Variants in LMTK2 observed in about 807,000 individuals in gnomAD.
LMTK2 encodes serine/threonine-protein kinase LMTK2.
LMTK2 carries 37 observed loss-of-function variants against 127.5 expected under a neutral mutation model. The observed-to-expected ratio is 0.29, with a 90% CI of 0.22 to 0.38. The LOEUF (loss-of-function observed/expected upper bound fraction) is 0.38, where lower values mean the gene tolerates loss of function less well. LMTK2 is among the 10% of genes least tolerant of loss of function. The pLI is 1.00. For synonymous variants in LMTK2, 819 were observed against 810.1 expected, an observed-to-expected ratio of 1.01 and a Z score of -0.19; for missense variants, 1,694 against 1,920.3, an observed-to-expected ratio of 0.88 and a Z score of 2.20.
At chr7:98,158,558 C>A (rs1246281894) in intron 5 of LMTK2, among the ~76,000 whole-genome samples, 2 of 150,822 alleles carry the variant, frequency 1.3e-5, no homozygotes, top group Non-Finnish European at 2.9e-5. Context: ...ATGGATTCAA[C>A]CAATGGTGGA....
chr7:98,203,958 T>G lies in LMTK2; in HGVS notation c.4255T>G (p.Trp1419Gly). The change falls in exon 13 of 14, where the codon TGG becomes GGG. Residue 1419 changes from tryptophan to glycine, a missense_variant. Trp to Gly is a radical substitution (Grantham distance 184, BLOSUM62 -2). Transcript: ENST00000297293. The stretch of plus-strand genomic sequence containing the variant: ...TTTATTTCTAGGTGGTGGCTTTGAG[T>G]GGGATGATGACTTCTCCCCAGATCC... ...STDEEGGGFE[W>G]DDDFSPDPFM... The G allele has an allele frequency of 6.2e-7, 1 of 1,613,722 alleles. No homozygotes were observed. The highest frequency in any genetic ancestry group is 8.5e-7 in the Non-Finnish European group (1 of 1,179,938).
At chr7:98,107,627 G>A (rs1284282140) in intron 1 of LMTK2, among the ~76,000 whole-genome samples, 1 of 152,134 alleles carries the variant, frequency 6.6e-6, no homozygotes, top group Non-Finnish European at 1.5e-5. Flanking sequence ...CCTGCCTCTT[G>A]TGCTTTTTTT....
chr7:98,209,069 G>A lies in LMTK2; in HGVS notation c.*3577G>A, dbSNP rs1048422478. ...GTGAACCAAGGGTTAGACGCCAGAGGTTGGGCTTCTGTTAGAGTGGCTTCA... is the reference window on the plus strand; with the variant it reads ...GTGAACCAAGGGTTAGACGCCAGAGATTGGGCTTCTGTTAGAGTGGCTTCA... On this transcript the variant is annotated 3_prime_UTR_variant, in exon 14 of 14. Coordinates refer to ENST00000297293, the MANE Select transcript of LMTK2 (RefSeq NM_014916.4). 2.3e-4 allele frequency: 35 copies of A among 152,230 alleles called. No homozygotes were observed. Among genetic ancestry groups the A allele is most frequent in the African/African-American group, 8.2e-4 (34 of 41,458 alleles). The allele number at this position is 152,230 out of a possible 1,614,324, so 9.4% of individuals were successfully genotyped here.
At chr7:98,128,329 T>C (rs1276979893) in intron 1 of LMTK2, among the ~76,000 whole-genome samples, 1 of 151,882 alleles carries the variant, frequency 6.6e-6, no homozygotes, top group Non-Finnish European at 1.5e-5. Flanking sequence ...CCTTGTAAAA[T>C]GGGGAACTTT....
At chr7:98,179,300 G>A (rs1056855214) in intron 7 of LMTK2, among the ~76,000 whole-genome samples, 2 of 152,226 alleles carry the variant, frequency 1.3e-5, no homozygotes, top group Non-Finnish European at 2.9e-5. Flanking sequence ...CATCGCCCAA[G>A]CTAGCCTCAG....
Position 98,193,808 on chromosome 7 carries a change from A to C in LMTK2, c.3343A>C (p.Lys1115Gln), listed in dbSNP as rs1269036331. ...YFSDNDSEPE[K>Q]RSEEVPGTSP... Reference sequence around the variant, plus strand: ...CTCAGACAATGACTCTGAGCCCGAGAAAAGGTCTGAGGAGGTCCCGGGAAC... The same window carrying C: ...CTCAGACAATGACTCTGAGCCCGAGCAAAGGTCTGAGGAGGTCCCGGGAAC... Residue 1115 changes from lysine (K) to glutamine (Q), a missense_variant, in exon 11 of 14, where the codon AAA becomes CAA. Transcript: ENST00000297293. The surrounding 1 kb of genome is among the most constrained non-coding windows in gnomAD (Gnocchi z 4.1). The C allele has an allele frequency of 1.6e-5, 26 of 1,613,774 alleles. No individual in the cohort carries two copies. The highest frequency in any genetic ancestry group is 2.0e-5 in the Non-Finnish European group (24 of 1,179,974).
intron 11 of LMTK2, among the ~76,000 whole-genome samples, chr7:98,197,341 C>G (rs891117517): frequency 1.3e-5 from 2 of 152,202 alleles, no homozygotes. Context: ...AGGGCTTGAC[C>G]CAAGTCTCCT....
At chr7:98,164,073 T>G (rs1320244255) in intron 6 of LMTK2, among the ~76,000 whole-genome samples, 1 of 152,246 alleles carries the variant, frequency 6.6e-6, no homozygotes, top group Non-Finnish European at 1.5e-5. Context: ...AACCAGCCTG[T>G]TTTTAAAAGG....
intron 2 of LMTK2, among the ~76,000 whole-genome samples, chr7:98,140,095 T>G (rs1299977934): frequency 7.9e-4 from 2 of 2,542 alleles, no homozygotes; most frequent in Non-Finnish European, 1.5e-3. Flanking sequence ...TCTTTCTTTC[T>G]TTCTTTCTTT....
rs369256098 is a variant in LMTK2 at position 98,140,198 on chromosome 7, T to A, written c.232-1199T>A. Among the ~76,000 whole-genome samples, 2 of 41,550 alleles carry A rather than the reference T, an allele frequency of 4.8e-5. 1 individual carries two copies. The highest frequency in any genetic ancestry group is 3.8e-4 in the African/African-American group (2 of 5,202). The allele number at this position is 41,550 out of a possible 152,430, so 27.3% of individuals were successfully genotyped here. Reference sequence around the variant, plus strand: ...TTTCTTTTCTTTCTTCTTTCTGTCTTTGAGATGGTCTCGCTCTATCACCCA... The same window carrying A: ...TTTCTTTTCTTTCTTCTTTCTGTCTATGAGATGGTCTCGCTCTATCACCCA... On this transcript the variant is annotated intron_variant, in intron 2 of 13. Coordinates refer to ENST00000297293, the MANE Select transcript of LMTK2 (RefSeq NM_014916.4).
At chr7:98,132,412 G>A (rs1276581033) in intron 1 of LMTK2, among the ~76,000 whole-genome samples, 1 of 152,040 alleles carries the variant, frequency 6.6e-6, no homozygotes, top group Non-Finnish European at 1.5e-5. Flanking sequence ...CACCACGCCT[G>A]GCTAATTTTT....
intron 11 of LMTK2, among the ~76,000 whole-genome samples, chr7:98,198,665 A>AT (rs1797666679): frequency 6.6e-6 from 1 of 151,852 alleles, no homozygotes; most frequent in African/African-American, 2.4e-5. Flanking sequence ...TAATTTTTGT[A>AT]TTTTTTGTTT....
At position 98,135,684 on chromosome 7, in the gene LMTK2, G is replaced by A. The variant is rs116539916; in HGVS notation, c.104-1631G>A. Among the ~76,000 whole-genome samples the A allele has an allele frequency of 6.1e-3, 921 of 152,182 alleles. 4 individuals carry two copies. The highest frequency in any genetic ancestry group is 0.021 in the African/African-American group (874 of 41,506). ...AACTCCAGTAGCTGAGACTTTAATAGTTTGCTCTAACAAAGAAAAGGTTCA... is the reference window on the plus strand; with the variant it reads ...AACTCCAGTAGCTGAGACTTTAATAATTTGCTCTAACAAAGAAAAGGTTCA... On this transcript the variant is annotated intron_variant, in intron 1 of 13. Transcript: ENST00000297293.
Position 98,185,049 on chromosome 7 carries a change from A to G in LMTK2, c.792-2A>G. 6.2e-7 allele frequency: 1 copy of G among 1,606,234 alleles called. No individual in the cohort carries two copies. Among genetic ancestry groups the G allele is most frequent in the Non-Finnish European group, 8.5e-7 (1 of 1,173,298 alleles). On this transcript the variant is annotated splice_acceptor_variant, in intron 7 of 13. Transcript: ENST00000297293. LOFTEE classifies it high-confidence loss of function. ...GCCATGTTCACTTCCCTCTGTTTTC[A>G]GTGATTTAGCCCTGCGGAATTGTTT...
At chr7:98,183,650 A>G (rs1797386619) in intron 7 of LMTK2, among the ~76,000 whole-genome samples, 2 of 152,162 alleles carry the variant, frequency 1.3e-5, no homozygotes. Context: ...TCAGCCTCCC[A>G]GAGTACTGGG....
At chr7:98,114,699 G>A (rs1796251755) in intron 1 of LMTK2, among the ~76,000 whole-genome samples, 1 of 152,124 alleles carries the variant, frequency 6.6e-6, no homozygotes, top group Non-Finnish European at 1.5e-5. Flanking sequence ...TGTTGTTCCT[G>A]CCTCCACCCT....
intron 7 of LMTK2, among the ~76,000 whole-genome samples, chr7:98,181,856 A>G (rs1179717450): frequency 6.6e-6 from 1 of 152,100 alleles, no homozygotes; most frequent in Non-Finnish European, 1.5e-5. Flanking sequence ...ATTGGGTTTC[A>G]CCATGTTGGC....
At chr7:98,115,091 G>T (rs1435852000) in intron 1 of LMTK2, among the ~76,000 whole-genome samples, 2 of 152,032 alleles carry the variant, frequency 1.3e-5, no homozygotes, top group Non-Finnish European at 2.9e-5. Flanking sequence ...CACATTTTTT[G>T]ATTTATAAAT....
At position 98,194,096 on chromosome 7, in the gene LMTK2, A is replaced by G. The variant is rs1225326134; in HGVS notation, c.3631A>G (p.Ser1211Gly). The G allele has an allele frequency of 1.2e-6, 2 of 1,614,112 alleles. No individual in the cohort carries two copies. The highest frequency in any genetic ancestry group is 1.3e-5 in the African/African-American group (1 of 75,050). ...PWSVLNAELS[S>G]GDDFETQDDR... ...GAGTGTGCTGAATGCAGAACTTAGC[A>G]GCGGCGATGACTTCGAGACACAGGA... Residue 1211 changes from serine to glycine, a missense_variant, in exon 11 of 14, where the codon AGC (serine) becomes GGC (glycine). Ser to Gly is a moderately conservative substitution (Grantham distance 56). This residue lies in a region of LMTK2 where 554 missense variants were observed against 567.7 expected (regional missense o/e 0.98). Transcript: ENST00000297293. This position sits in a 1 kb window ranked among gnomAD's most constrained non-coding sequence, Gnocchi z 5.4.
Sources: gnomAD v4.1 joint callset for allele counts (sites outside exome capture counted in the v4.1 genomes callset) on GRCh38, gnomAD v4.1.1 for gene constraint, gnomAD v4.1.1 regional missense constraint, Gnocchi (gnomAD v3.1) non-coding constraint, MANE v1.5 for transcripts, NCBI Gene and HGNC (gene_info 2026-07-23, HGNC 2026-07-21) for gene names.